CD96: variants seen among roughly 807,000 people sequenced by gnomAD.
CD96 encodes the protein T-cell surface protein tactile.
CD96 carries 70 observed loss-of-function variants against 71.3 expected under a neutral mutation model. That is an observed-to-expected ratio of 0.98 (90% CI 0.81 to 1.20). The LOEUF (loss-of-function observed/expected upper bound fraction) is 1.20, where lower values mean the gene tolerates loss of function less well. Ranked by LOEUF, CD96 falls within the 50% of genes most tolerant of loss-of-function variation. The probability of loss-of-function intolerance (pLI) is 0.00; values close to 1 mark genes in which losing one functional copy is unlikely to be tolerated. For synonymous variants in CD96, 248 were observed against 233.0 expected, an observed-to-expected ratio of 1.06 and a Z score of -0.59; for missense variants, 742 against 677.5, an observed-to-expected ratio of 1.10 and a Z score of -1.06.
chr3:111,581,351 A>G (rs552301715), intron 4 of CD96, among the ~76,000 whole-genome samples: 1 of 152,304 alleles, frequency 6.6e-6, no homozygotes, highest in South Asian at 2.1e-4. Context: ...CACATATCTT[A>G]TAAGAACCTA....
chr3:111,609,187 G>T (rs1386866051), intron 8 of CD96, among the ~76,000 whole-genome samples: 1 of 152,148 alleles, frequency 6.6e-6, no homozygotes, highest in African/African-American at 2.4e-5. Flanking sequence ...ATTTGAGAAA[G>T]CATCAGTAGA....
At chr3:111,564,627 T>C (rs1047215240) in intron 2 of CD96, among the ~76,000 whole-genome samples, 7 of 152,192 alleles carry the variant, frequency 4.6e-5, no homozygotes, top group African/African-American at 1.7e-4. Flanking sequence ...TAGTTTTTAT[T>C]TACTTTGTTG....
intron 5 of CD96, chr3:111,595,207 G>A (rs1000910085): frequency 2.0e-5 from 3 of 152,940 alleles, no homozygotes; most frequent in South Asian, 4.2e-4. Flanking sequence ...TCCTTTCTTG[G>A]GTCATTTCTT....
chr3:111,644,241 T>C (rs1939725004), intron 12 of CD96, among the ~76,000 whole-genome samples: 1 of 152,172 alleles, frequency 6.6e-6, no homozygotes, highest in Non-Finnish European at 1.5e-5. Flanking sequence ...TTTCAATAAA[T>C]GGTGCTGGGA....
downstream of CD96, among the ~76,000 whole-genome samples, chr3:111,656,336 A>G (rs1940228265): frequency 6.6e-6 from 1 of 152,210 alleles, no homozygotes; most frequent in African/African-American, 2.4e-5. Context: ...AGTTGTCATG[A>G]ATTTCAAGTT....
At position 111,625,385 on chromosome 3, in the gene CD96, A is replaced by G. The variant is rs913537896; in HGVS notation, c.1321+981A>G. Among the ~76,000 whole-genome samples the G allele has an allele frequency of 1.6e-4, 25 of 152,330 alleles. 1 individual carries two copies. Among genetic ancestry groups the G allele is most frequent in the African/African-American group, 5.5e-4 (23 of 41,584 alleles). ...CATATTTCTTTTAATAAATATGTTA[A>G]TGTAATAGACACCCATGAACCCAGT... On this transcript the variant is annotated intron_variant, in intron 10 of 13. Coordinates refer to ENST00000352690, the MANE Select transcript of CD96 (RefSeq NM_005816.5).
chr3:111,554,282 T>C (rs779209698), intron 2 of CD96, among the ~76,000 whole-genome samples: 36 of 152,128 alleles, frequency 2.4e-4, no homozygotes, highest in Non-Finnish European at 5.0e-4. Flanking sequence ...AATAAGTTTT[T>C]ACCCCATCAA....
At chr3:111,572,553 T>G (rs1171358254) in intron 3 of CD96, among the ~76,000 whole-genome samples, 1 of 152,172 alleles carries the variant, frequency 6.6e-6, no homozygotes, top group Non-Finnish European at 1.5e-5. Context: ...AGCCTATTGT[T>G]CTTACAAACA....
chr3:111,659,188 C>T (rs1940300613), intron 14 of CD96, among the ~76,000 whole-genome samples: 2 of 152,008 alleles, frequency 1.3e-5, no homozygotes, highest in South Asian at 4.1e-4. Flanking sequence ...GATCATAGTC[C>T]CTGAGGATCT....
At chr3:111,618,551 AG>A (rs1938359189) in intron 8 of CD96, among the ~76,000 whole-genome samples, 1 of 151,890 alleles carries the variant, frequency 6.6e-6, no homozygotes, top group Non-Finnish European at 1.5e-5. Context: ...AATTCCTTGA[AG>A]GAGGAAACAA....
At chr3:111,598,893 C>G (rs1357383957) in intron 6 of CD96, among the ~76,000 whole-genome samples, 1 of 152,206 alleles carries the variant, frequency 6.6e-6, no homozygotes, top group African/African-American at 2.4e-5. Flanking sequence ...TCTCCTGAGT[C>G]GTTTTTCCTC....
chr3:111,596,176 A>G (rs1937251892), intron 5 of CD96, among the ~76,000 whole-genome samples: 1 of 151,924 alleles, frequency 6.6e-6, no homozygotes, highest in Non-Finnish European at 1.5e-5. Flanking sequence ...AAATAAATAA[A>G]TAAAATGAAT....
chr3:111,567,035 G>A (rs962512778), intron 2 of CD96, among the ~76,000 whole-genome samples: 9 of 152,136 alleles, frequency 5.9e-5, no homozygotes, highest in Non-Finnish European at 1.0e-4. Context: ...GTACCGCTGT[G>A]GAACAGGATG....
intron 14 of CD96, among the ~76,000 whole-genome samples, chr3:111,665,319 T>G (rs1940456653): frequency 6.6e-6 from 1 of 152,148 alleles, no homozygotes. Context: ...GATTCTTAAT[T>G]TGACTCAAAA....
chr3:111,632,143 T>G (rs1040024060), intron 10 of CD96, among the ~76,000 whole-genome samples: 2 of 152,142 alleles, frequency 1.3e-5, no homozygotes, highest in Non-Finnish European at 2.9e-5. Flanking sequence ...ACTAAGAAGC[T>G]TATGCACAGC....
intron 12 of CD96, among the ~76,000 whole-genome samples, chr3:111,646,439 G>A (rs1412391074): frequency 2.0e-5 from 3 of 151,474 alleles, no homozygotes; most frequent in African/African-American, 4.8e-5. Flanking sequence ...ACCTTCTTAG[G>A]ATACTTTAAA....
At chr3:111,637,134 C>T in intron 10 of CD96, 62 bp from the exon 11 acceptor site, 1 of 841,114 alleles carries the variant, frequency 1.2e-6, no homozygotes, top group Non-Finnish European at 2.1e-6. Context: ...ATTAAATTAG[C>T]AGTCAAGAAG....
intron 1 of CD96, 22 bp from the exon 2 acceptor site, chr3:111,545,024 G>A: frequency 1.3e-6 from 2 of 1,578,918 alleles, no homozygotes; most frequent in Non-Finnish European, 1.7e-6. Context: ...TTAAACTCAT[G>A]GCTCATGTTC....
At chr3:111,622,449 A>G (rs577038475) in intron 8 of CD96, among the ~76,000 whole-genome samples, 2 of 152,320 alleles carry the variant, frequency 1.3e-5, no homozygotes, top group South Asian at 4.1e-4. Context: ...ACGGTGTGTA[A>G]GTATCTTTTT....
Sources: gnomAD v4.1 joint callset for allele counts (sites outside exome capture counted in the v4.1 genomes callset) on GRCh38, gnomAD v4.1.1 for gene constraint, MANE v1.5 for transcripts, NCBI Gene and HGNC (gene_info 2026-07-23, HGNC 2026-07-21) for gene names.